Variants in MTCL2 observed in about 807,000 individuals in gnomAD.
MTCL2 encodes microtubule cross-linking factor 2.
chr20:36,808,023 C>T, the MTCL2 span, among the ~76,000 whole-genome samples: 1 of 149,666 alleles, frequency 6.7e-6, no homozygotes, highest in South Asian at 2.1e-4. Context: ...CTACAGGCAC[C>T]CGCCACCACA....
At chr20:36,810,653 T>C in the MTCL2 span, among the ~76,000 whole-genome samples, 49 of 150,906 alleles carry the variant, frequency 3.2e-4, no homozygotes, top group African/African-American at 1.1e-3. Flanking sequence ...ATGTAACCAG[T>C]GGGAACTATG....
At chr20:36,829,144 C>T in the MTCL2 span, 3 of 1,602,382 alleles carry the variant, frequency 1.9e-6, no homozygotes, top group Admixed American at 5.1e-5. Flanking sequence ...TCTCCTCCTC[C>T]AGCCGCGCCC....
At chr20:36,842,561 C>T in the MTCL2 span, among the ~76,000 whole-genome samples, 1 of 152,164 alleles carries the variant, frequency 6.6e-6, no homozygotes, top group Non-Finnish European at 1.5e-5. Context: ...CGCCTGAGGC[C>T]AGGAGTTCAA....
chr20:36,807,125 A>G, the MTCL2 span, among the ~76,000 whole-genome samples: 1 of 152,164 alleles, frequency 6.6e-6, no homozygotes, highest in African/African-American at 2.4e-5. Flanking sequence ...CAGGCACTGC[A>G]GGGCCAGGGC....
chr20:36,805,443 G>A, the MTCL2 span, among the ~76,000 whole-genome samples: 1 of 152,036 alleles, frequency 6.6e-6, no homozygotes, highest in African/African-American at 2.4e-5. Context: ...AGACCACAAG[G>A]CCCCTCTTCA....
At chr20:36,860,287 A>G in the MTCL2 span, among the ~76,000 whole-genome samples, 30 of 152,104 alleles carry the variant, frequency 2.0e-4, no homozygotes, top group South Asian at 6.0e-3. Context: ...CTCCCTGTGC[A>G]CCCCAGCCCC....
chr20:36,839,214 G>C, the MTCL2 span: 1 of 1,589,744 alleles, frequency 6.3e-7, no homozygotes, highest in East Asian at 2.2e-5. This position sits in a 1 kb window ranked among gnomAD's most constrained non-coding sequence, Gnocchi z 5.1. Flanking sequence ...AGCCCAGGCT[G>C]ACCTTGACAT....
the MTCL2 span, among the ~76,000 whole-genome samples, chr20:36,787,655 A>G: frequency 2.0e-5 from 3 of 150,974 alleles, no homozygotes; most frequent in Non-Finnish European, 4.4e-5. Context: ...TGGGAGGCTG[A>G]GGCAGGTGGA....
the MTCL2 span, chr20:36,812,660 C>G: frequency 7.5e-6 from 12 of 1,602,530 alleles, no homozygotes; most frequent in African/African-American, 1.3e-5. Context: ...GGCTCAGTCA[C>G]TCTCCTCCTA....
the MTCL2 span, among the ~76,000 whole-genome samples, chr20:36,844,752 G>A: frequency 6.6e-6 from 1 of 152,026 alleles, no homozygotes; most frequent in Non-Finnish European, 1.5e-5. Context: ...AGGTGCAGTG[G>A]CTCACGCCTG....
At chr20:36,855,209 C>T in the MTCL2 span, among the ~76,000 whole-genome samples, 4 of 152,338 alleles carry the variant, frequency 2.6e-5, no homozygotes, top group African/African-American at 4.8e-5. Context: ...GGAACCCTCA[C>T]GGCAACGTGC....
the MTCL2 span, chr20:36,779,989 G>GC: frequency 6.6e-6 from 1 of 152,274 alleles, no homozygotes; most frequent in African/African-American, 2.4e-5. Context: ...GTGGTGGGAA[G>GC]CAGACTGAGC....
chr20:36,785,731 C>T, the MTCL2 span: 7 of 985,366 alleles, frequency 7.1e-6, no homozygotes, highest in Non-Finnish European at 8.4e-6. Flanking sequence ...CTGCTGGGAA[C>T]GTTGGGGCCC....
chr20:36,828,931 T>C, the MTCL2 span: 17 of 1,055,414 alleles, frequency 1.6e-5, no homozygotes, highest in Non-Finnish European at 2.2e-5. Flanking sequence ...ATAAACAACC[T>C]TGCCAGGGAG....
At chr20:36,854,699 C>T in the MTCL2 span, among the ~76,000 whole-genome samples, 1 of 152,256 alleles carries the variant, frequency 6.6e-6, no homozygotes, top group Non-Finnish European at 1.5e-5. Flanking sequence ...GGGCCCCAAC[C>T]AGAGTAAAGA....
At chr20:36,814,404 A>T in the MTCL2 span, among the ~76,000 whole-genome samples, 1 of 152,230 alleles carries the variant, frequency 6.6e-6, no homozygotes, top group Non-Finnish European at 1.5e-5. Context: ...TGCAAGGATG[A>T]AATATTCTAG....
At chr20:36,852,111 CAGA>C in the MTCL2 span, among the ~76,000 whole-genome samples, 1 of 152,184 alleles carries the variant, frequency 6.6e-6, no homozygotes, top group South Asian at 2.1e-4. Context: ...CAGACCAACC[CAGA>C]AGAATGACAG....
At chr20:36,800,516 G>C in the MTCL2 span, among the ~76,000 whole-genome samples, 1 of 152,202 alleles carries the variant, frequency 6.6e-6, no homozygotes, top group African/African-American at 2.4e-5. Context: ...CCAGGACCAG[G>C]AACTTTCCAG....
At chr20:36,845,939 C>T in the MTCL2 span, among the ~76,000 whole-genome samples, 39 of 152,204 alleles carry the variant, frequency 2.6e-4, no homozygotes, top group Middle Eastern at 0.01. Flanking sequence ...TCCCAGACCC[C>T]CTAACTGTGT....
Sources: allele counts gnomAD v4.1 joint callset (sites outside exome capture counted in the v4.1 genomes callset), GRCh38; gene constraint gnomAD v4.1.1; non-coding constraint Gnocchi (gnomAD v3.1); transcripts MANE v1.5; gene names NCBI Gene and HGNC (gene_info 2026-07-23, HGNC 2026-07-21).